Variants in DOCK8 observed in about 807,000 individuals in gnomAD.
The protein encoded by DOCK8 is dedicator of cytokinesis protein 8.
In DOCK8, 141 loss-of-function variants were observed where a neutral mutation model predicts 245.6. The observed-to-expected ratio is 0.57, with a 90% CI of 0.50 to 0.66. The LOEUF (loss-of-function observed/expected upper bound fraction) is 0.66, where lower values mean the gene tolerates loss of function less well. DOCK8 is among the 30% of genes least tolerant of loss of function. The probability of loss-of-function intolerance (pLI) is 0.00; values close to 1 mark genes in which losing one functional copy is unlikely to be tolerated. For missense variants in DOCK8, 2,965 were observed against 2,603.4 expected, an observed-to-expected ratio of 1.14 and a Z score of -3.02; for synonymous variants, 1,168 against 970.2, an observed-to-expected ratio of 1.20 and a Z score of -3.79.
At chr9:219,422 G>C (rs897693685) in intron 1 of DOCK8, among the ~76,000 whole-genome samples, 6 of 152,140 alleles carry the variant, frequency 3.9e-5, no homozygotes, top group African/African-American at 1.4e-4. Context: ...AGTGAGCTGA[G>C]ATGTGCCACT....
intron 44 of DOCK8, among the ~76,000 whole-genome samples, chr9:447,154 A>T (rs923106656): frequency 6.6e-6 from 1 of 152,302 alleles, no homozygotes; most frequent in Non-Finnish European, 1.5e-5. Context: ...TCATCTATGC[A>T]TTAGCAGGAA....
chr9:406,488 CAAAAAAAA>C lies in DOCK8; in HGVS notation c.3391-427_3391-420del, dbSNP rs202229906. On this transcript the variant is annotated intron_variant, in intron 27 of 47. Transcript: ENST00000432829. ...GGTAACAGAGTGACACTCTGTCTTTCAAAAAAAAAAAAAAAAAAAAAAGAAGGTACCTG... is the reference window on the plus strand; with the variant it reads ...GGTAACAGAGTGACACTCTGTCTTTCAAAAAAAAAAAAAAGAAGGTACCTG... 1.6e-4 allele frequency among the ~76,000 whole-genome samples: 15 copies of C among 95,266 alleles called. No individual in the cohort carries two copies. In the South Asian group the frequency reaches 2.7e-3, roughly 17 times the overall value. 62.5% of individuals were successfully genotyped at this position (95,266 alleles called of 152,430 possible). A position where few individuals can be genotyped will look rare whatever the true frequency, so the allele number is the denominator to read the frequency against.
intron 1 of DOCK8, among the ~76,000 whole-genome samples, chr9:240,305 G>T (rs1044697593): frequency 2.0e-5 from 3 of 151,810 alleles, no homozygotes; most frequent in African/African-American, 7.3e-5. Flanking sequence ...CCATTATTAT[G>T]ATTGAGTCAG....
intron 26 of DOCK8, among the ~76,000 whole-genome samples, chr9:403,148 C>G (rs961390447): frequency 2.0e-5 from 3 of 152,168 alleles, no homozygotes; most frequent in Non-Finnish European, 4.4e-5. Context: ...CTCTGCCTCC[C>G]GAAGTGCTGG....
At chr9:308,997 GA>G (rs2049977224) in intron 5 of DOCK8, among the ~76,000 whole-genome samples, 1 of 152,136 alleles carries the variant, frequency 6.6e-6, no homozygotes, top group African/African-American at 2.4e-5. Context: ...TCTATTTTAT[GA>G]AAGTTCCAAA....
intron 1 of DOCK8, 121 bp from the exon 2 acceptor site, chr9:271,506 A>G: frequency 8.1e-6 from 6 of 740,066 alleles, no homozygotes; most frequent in Non-Finnish European, 1.4e-5. Flanking sequence ...TATCTTAGTC[A>G]GTTCTGCTCA....
At chr9:461,578 G>A (rs1202494763) in intron 46 of DOCK8, among the ~76,000 whole-genome samples, 1 of 106,514 alleles carries the variant, frequency 9.4e-6, no homozygotes, top group African/African-American at 3.8e-5. Flanking sequence ...GTCTGGTTCT[G>A]TCACCCAGGC....
At chr9:328,255 T>G in intron 9 of DOCK8, 84 bp downstream of exon 9, 1 of 1,479,402 alleles carries the variant, frequency 6.8e-7, no homozygotes, top group Non-Finnish European at 9.2e-7. Flanking sequence ...GCACGCAATC[T>G]CAGAATGTGT....
In DOCK8 at chr9:425,481, A is replaced by C. The variant is rs10974360; in HGVS notation, c.4242-1404A>C. Among the ~76,000 whole-genome samples, 4 of 149,060 alleles carry C rather than the reference A, an allele frequency of 2.7e-5. No homozygotes were observed. In the South Asian group the frequency reaches 6.3e-4, roughly 24 times the overall value. On this transcript the variant is annotated intron_variant, in intron 33 of 47. Transcript: ENST00000432829. ...CGGGAAGTGGAGCTTGCGGTGAGCC[A>C]AGATTGCGCCACTGCACTCTGCACT... is the stretch of plus-strand genomic sequence containing the variant.
chr9:410,940 G>A (rs893523652), intron 28 of DOCK8, among the ~76,000 whole-genome samples: 7 of 152,054 alleles, frequency 4.6e-5, no homozygotes, highest in South Asian at 2.1e-4. Context: ...AAAAGAATAC[G>A]ATGAACAATT....
chr9:342,605 G>A (rs1052920543), intron 14 of DOCK8, among the ~76,000 whole-genome samples: 2 of 152,098 alleles, frequency 1.3e-5, no homozygotes, highest in African/African-American at 4.8e-5. Context: ...GAGTAGCTGG[G>A]ACTACAGGTG....
chr9:399,113 A>G (rs926462744), intron 25 of DOCK8, 33 bp from the exon 26 acceptor site: 3 of 1,599,222 alleles, frequency 1.9e-6, no homozygotes, highest in South Asian at 1.1e-5. Context: ...AGAGTGTCCC[A>G]CAAAATGATT....
chr9:231,061 C>G (rs957687668), intron 1 of DOCK8, among the ~76,000 whole-genome samples: 2 of 152,156 alleles, frequency 1.3e-5, no homozygotes, highest in Non-Finnish European at 1.5e-5. Flanking sequence ...TTTAATCCAT[C>G]TTGAATTACT....
chr9:379,409 A>G (rs2131280096), intron 20 of DOCK8, among the ~76,000 whole-genome samples: 1 of 152,260 alleles, frequency 6.6e-6, no homozygotes, highest in East Asian at 1.9e-4. Flanking sequence ...GGGGCCTGAG[A>G]TTCTGCATTT....
At chr9:259,643 C>G (rs961582046) in intron 1 of DOCK8, among the ~76,000 whole-genome samples, 4 of 152,322 alleles carry the variant, frequency 2.6e-5, no homozygotes, top group Admixed American at 2.6e-4. Flanking sequence ...CATGTAAGCA[C>G]TCAGTAAATA....
Position 332,308 on chromosome 9 carries a change from T to C in DOCK8, c.1045-90T>C, listed in dbSNP as rs578182757. 11 of 887,544 alleles carry C rather than the reference T, an allele frequency of 1.2e-5. No homozygotes were observed. In the South Asian group the frequency reaches 1.4e-4, roughly 12 times the overall value. 55.0% of individuals were successfully genotyped at this position (887,544 alleles called of 1,614,324 possible). On this transcript the variant is annotated intron_variant, in intron 9 of 47. Coordinates refer to ENST00000432829, the MANE Select transcript of DOCK8 (RefSeq NM_203447.4). The stretch of plus-strand genomic sequence containing the variant: ...AGATAGCTTCCTATGTCATCAAATA[T>C]TGTCATAAAATGTAATTTTGATGGT...
At chr9:459,311 G>T (rs1054086052) in intron 46 of DOCK8, among the ~76,000 whole-genome samples, 1 of 152,082 alleles carries the variant, frequency 6.6e-6, no homozygotes, top group African/African-American at 2.4e-5. Context: ...TGACTGAAAG[G>T]AAGAAATGTA....
Position 420,979 on chromosome 9 carries a change from C to G in DOCK8, c.4054C>G (p.Gln1352Glu). The change falls in exon 32 of 48, where the codon CAA becomes GAA. Residue 1352 changes from glutamine to glutamate, a missense_variant. Around this residue, in one of 3 missense-constraint regions of DOCK8, gnomAD observed 2,825 missense variants for 2,453.5 expected, o/e 1.15. Coordinates refer to ENST00000432829, the MANE Select transcript of DOCK8 (RefSeq NM_203447.4). ...GKQSSDKVST[Q>E]VLQKSRDVKA... is the part of the protein sequence containing the mutation. Reference sequence around the variant, plus strand: ...ACAGAGTTCTGACAAAGTCAGTACCCAAGTCCTGCAGAAGTCAAGGGATGT... The same window carrying G: ...ACAGAGTTCTGACAAAGTCAGTACCGAAGTCCTGCAGAAGTCAAGGGATGT... The G allele has an allele frequency of 6.2e-7, 1 of 1,614,180 alleles. No individual in the cohort carries two copies. The highest frequency in any genetic ancestry group is 8.5e-7 in the Non-Finnish European group (1 of 1,180,040).
chr9:285,988 A>G (rs895765652), intron 2 of DOCK8, among the ~76,000 whole-genome samples: 24 of 152,212 alleles, frequency 1.6e-4, no homozygotes, highest in African/African-American at 5.3e-4. Flanking sequence ...ACCAATGTAT[A>G]GCATAACTTA....
Sources: gnomAD v4.1 joint callset for allele counts (sites outside exome capture counted in the v4.1 genomes callset) on GRCh38, gnomAD v4.1.1 for gene constraint, gnomAD v4.1.1 regional missense constraint, MANE v1.5 for transcripts, NCBI Gene and HGNC (gene_info 2026-07-23, HGNC 2026-07-21) for gene names.